CDK5RAP2: variants seen among roughly 807,000 people sequenced by gnomAD.
CDK5RAP2 encodes the protein CDK5 regulatory subunit associated protein 2.
A neutral mutation model predicts 232.9 loss-of-function variants in CDK5RAP2; 147 were observed. That is an observed-to-expected ratio of 0.63 (90% CI 0.55 to 0.72). The LOEUF (loss-of-function observed/expected upper bound fraction) is 0.72, where lower values mean the gene tolerates loss of function less well. CDK5RAP2 is among the 30% of genes least tolerant of loss of function. The probability of loss-of-function intolerance (pLI) is 0.00; values close to 1 mark genes in which losing one functional copy is unlikely to be tolerated. For missense variants in CDK5RAP2, 2,195 were observed against 2,231.5 expected (o/e 0.98, Z 0.33); for synonymous variants, 833 against 833.7 (o/e 1.00, Z 0.01).
Position 120,569,960 on chromosome 9 carries a change from G to T in CDK5RAP2, c.128-1572C>A, listed in dbSNP as rs575828360. On this transcript the variant is annotated intron_variant, in intron 2 of 37. Transcript: ENST00000349780. The stretch of plus-strand genomic sequence containing the variant: ...CCAACAGGAATAAATGAAATGAGAT[G>T]AGATGAAGTGAAATACACAATGTTG... 2.0e-5 allele frequency among the ~76,000 whole-genome samples: 3 copies of T among 152,264 alleles called. No homozygotes were observed. The South Asian group carries it at 6.2e-4, about 32-fold the overall frequency.
intron 4 of CDK5RAP2, 44 bp downstream of exon 4, chr9:120,550,748 T>G: frequency 8.4e-6 from 9 of 1,075,490 alleles, no homozygotes; most frequent in Non-Finnish European, 1.2e-5. Flanking sequence ...GAAATGACAA[T>G]GAGAAAGGAC....
At chr9:120,497,421 T>TAAAAAAAAAAAAA (rs71385064) in intron 12 of CDK5RAP2, among the ~76,000 whole-genome samples, 16 of 23,296 alleles carry the variant, frequency 6.9e-4, no homozygotes, top group African/African-American at 1.3e-3. Context: ...AAAATAAATT[T>TAAAAAAAAAAAAA]AAAAAAAAAA....
chr9:120,467,269 A>C (rs2037433857), intron 18 of CDK5RAP2, among the ~76,000 whole-genome samples: 1 of 152,198 alleles, frequency 6.6e-6, no homozygotes, highest in Non-Finnish European at 1.5e-5. Context: ...CACACTATTC[A>C]AATTATCTGG....
At chr9:120,470,921 T>G (rs1346642682) in intron 16 of CDK5RAP2, among the ~76,000 whole-genome samples, 2 of 152,304 alleles carry the variant, frequency 1.3e-5, no homozygotes, top group Middle Eastern at 6.8e-3. Flanking sequence ...TGCAGAATAC[T>G]GGAAAGAGCT....
intron 11 of CDK5RAP2, among the ~76,000 whole-genome samples, chr9:120,520,744 A>G (rs2040587373): frequency 1.3e-5 from 2 of 150,886 alleles, no homozygotes; most frequent in South Asian, 2.1e-4. Flanking sequence ...GTATCATGTG[A>G]TATCTCATAT....
At chr9:120,448,799 C>A (rs567329594) in intron 21 of CDK5RAP2, among the ~76,000 whole-genome samples, 1 of 152,136 alleles carries the variant, frequency 6.6e-6, no homozygotes, top group Non-Finnish European at 1.5e-5. Flanking sequence ...TTTCACTACT[C>A]ATCAGGGTCC....
chr9:120,542,300 T>C (rs2041665821), intron 5 of CDK5RAP2, among the ~76,000 whole-genome samples: 1 of 151,606 alleles, frequency 6.6e-6, no homozygotes, highest in Non-Finnish European at 1.5e-5. Flanking sequence ...AGGTCAGGAG[T>C]TTGAGACCAG....
At chr9:120,426,059 G>A (rs2034878472) in intron 25 of CDK5RAP2, among the ~76,000 whole-genome samples, 1 of 152,198 alleles carries the variant, frequency 6.6e-6, no homozygotes, top group South Asian at 2.1e-4. Context: ...GCTTTATAAA[G>A]ATGGGAAGAC....
At position 120,399,367 on chromosome 9, in the gene CDK5RAP2, G is replaced by GA. The variant is rs1272240940; in HGVS notation, c.5451+1374dup. Among the ~76,000 whole-genome samples, 11 of 151,926 alleles carry GA rather than the reference G, an allele frequency of 7.2e-5. No individual in the cohort carries two copies. The East Asian group carries it at 7.7e-4, about 11-fold the overall frequency. ...AGGCAGGCACTACTTTGGGTGTATAGAAAAAAAATCACTGGTTCATTCAAA... is the reference window on the plus strand; with the variant it reads ...AGGCAGGCACTACTTTGGGTGTATAGAAAAAAAAATCACTGGTTCATTCAAA... On this transcript the variant is annotated intron_variant, in intron 35 of 37. Transcript: ENST00000349780.
intron 21 of CDK5RAP2, among the ~76,000 whole-genome samples, chr9:120,450,928 G>C (rs923468900): frequency 9.2e-5 from 14 of 152,206 alleles, no homozygotes; most frequent in Non-Finnish European, 1.9e-4. Flanking sequence ...GCAGGTTCAA[G>C]GATAAGAACA....
At chr9:120,442,313 C>A (rs7041825) in intron 23 of CDK5RAP2, among the ~76,000 whole-genome samples, 67 of 152,270 alleles carry the variant, frequency 4.4e-4, no homozygotes, top group African/African-American at 1.5e-3. Context: ...TCCTGTACCG[C>A]GGTGCATGAG....
At chr9:120,522,442 T>C (rs946002189) in intron 11 of CDK5RAP2, among the ~76,000 whole-genome samples, 1 of 152,154 alleles carries the variant, frequency 6.6e-6, no homozygotes, top group African/African-American at 2.4e-5. Flanking sequence ...TATGATCCTA[T>C]TTAATTTTTT....
At chr9:120,477,539 G>A in intron 14 of CDK5RAP2, 89 bp from the exon 15 acceptor site, 4 of 1,050,698 alleles carry the variant, frequency 3.8e-6, no homozygotes, top group Non-Finnish European at 5.9e-6. Context: ...GCTAGTCCCA[G>A]TTTTTAAAAT....
At chr9:120,578,755 T>C (rs983035806) in intron 1 of CDK5RAP2, among the ~76,000 whole-genome samples, 1 of 151,920 alleles carries the variant, frequency 6.6e-6, no homozygotes, top group African/African-American at 2.4e-5. Flanking sequence ...TTTGTAGAGA[T>C]AGGATTTCAC....
At chr9:120,551,842 G>C (rs1045820234) in intron 3 of CDK5RAP2, among the ~76,000 whole-genome samples, 3 of 152,114 alleles carry the variant, frequency 2.0e-5, no homozygotes, top group Non-Finnish European at 4.4e-5. Flanking sequence ...CTAAGAAAGA[G>C]ACACATGCTA....
chr9:120,514,774 A>G lies in CDK5RAP2; in HGVS notation c.1311+3653T>C, dbSNP rs1036355410. On this transcript the variant is annotated intron_variant, in intron 12 of 37. Coordinates refer to ENST00000349780, the MANE Select transcript of CDK5RAP2 (RefSeq NM_018249.6). ...TCACCCCAATCCCTGCCCTATTGCC[A>G]TCATAGTCCCCTTCCACTCCTTCCC... 3.9e-5 allele frequency among the ~76,000 whole-genome samples: 6 copies of G among 152,304 alleles called. No homozygotes were observed. In the Middle Eastern group the frequency reaches 0.014, roughly 345 times the overall value.
chr9:120,455,371 A>T (rs1204998798), intron 20 of CDK5RAP2, among the ~76,000 whole-genome samples: 1 of 95,954 alleles, frequency 1.0e-5, no homozygotes, highest in South Asian at 3.5e-4. Flanking sequence ...ACAACACGTT[A>T]AAAAAAAAAA....
intron 3 of CDK5RAP2, among the ~76,000 whole-genome samples, chr9:120,561,358 G>A (rs12235762): frequency 6.6e-6 from 1 of 151,926 alleles, no homozygotes; most frequent in Non-Finnish European, 1.5e-5. Flanking sequence ...GTGCAGTGGC[G>A]CATTCATGGC....
chr9:120,432,374 T>C lies in CDK5RAP2; in HGVS notation c.3955+4921A>G, dbSNP rs561837498. 2.0e-5 allele frequency among the ~76,000 whole-genome samples: 3 copies of C among 152,358 alleles called. No individual in the cohort carries two copies. In the East Asian group the frequency reaches 5.8e-4, roughly 29 times the overall value. ...CACACTTTGTTGTGTGATGCAACTA[T>C]AGGAGTATTTGCTTATCTTTTATTC... On this transcript the variant is annotated intron_variant, in intron 25 of 37. Coordinates refer to ENST00000349780, the MANE Select transcript of CDK5RAP2 (RefSeq NM_018249.6).
Sources: allele counts gnomAD v4.1 joint callset (sites outside exome capture counted in the v4.1 genomes callset), GRCh38; gene constraint gnomAD v4.1.1; transcripts MANE v1.5; gene names NCBI Gene and HGNC (gene_info 2026-07-23, HGNC 2026-07-21).